The following ZNF557 variants were observed in gnomAD, a reference collection of about 807,000 sequenced individuals.
The protein encoded by ZNF557 is CTB-25J19.9.
Under a neutral mutation model 21.2 loss-of-function variants are expected in ZNF557, and 19 were observed. The observed-to-expected ratio is 0.90, with a 90% CI of 0.63 to 1.32. ZNF557 has a LOEUF of 1.32. Ranked by LOEUF, ZNF557 falls within the 40% of genes most tolerant of loss-of-function variation. The pLI, the probability that ZNF557 is intolerant of heterozygous loss-of-function variation, is 0.00. For missense variants in ZNF557, 487 were observed against 519.8 expected, an observed-to-expected ratio of 0.94 and a Z score of 0.61; for synonymous variants, 207 against 194.8, an observed-to-expected ratio of 1.06 and a Z score of -0.52.
intron 3 of ZNF557, among the ~76,000 whole-genome samples, chr19:7,075,325 A>C (rs10403544): frequency 0.016 from 2,442 of 152,218 alleles, 56 homozygotes; most frequent in African/African-American, 0.056. Context: ...GGAGCTTTTG[A>C]ATTCTCCCTT....
At chr19:7,070,144 T>A (rs1222480470) in intron 1 of ZNF557, among the ~76,000 whole-genome samples, 1 of 152,172 alleles carries the variant, frequency 6.6e-6, no homozygotes, top group Non-Finnish European at 1.5e-5. Context: ...CAGCCCCAAA[T>A]GTCATTAGTG....
rs750681476 is a variant in ZNF557, at chr19:7,083,635, T to A, written c.1184T>A (p.Met395Lys). The change falls in exon 8 of 8, where the codon ATG (methionine) becomes AAG (lysine). Residue 395 changes from methionine to lysine, a missense_variant. Physicochemically the swap from Met to Lys is moderately conservative, Grantham distance 95 (BLOSUM62 -1). Coordinates refer to ENST00000252840, the MANE Select transcript of ZNF557 (RefSeq NM_024341.3). ...FNVLSSVKKHMRTHTGKKPYE... is the reference protein window; with the variant it reads ...FNVLSSVKKHKRTHTGKKPYE... The stretch of plus-strand genomic sequence containing the variant: ...GTTCTCTCATCCGTTAAGAAACACA[T>A]GAGAACTCACACTGGAAAAAAACCC... 1 of 1,613,922 alleles carries A rather than the reference T, an allele frequency of 6.2e-7. No homozygotes were observed. The highest frequency in any genetic ancestry group is 1.7e-5 in the Admixed American group (1 of 59,992).
At chr19:7,077,597 T>C (rs1255656737) in intron 5 of ZNF557, among the ~76,000 whole-genome samples, 1 of 152,210 alleles carries the variant, frequency 6.6e-6, no homozygotes, top group Non-Finnish European at 1.5e-5. Flanking sequence ...TGGGTAGTGC[T>C]GCTATGATCA....
At chr19:7,080,791 G>C (rs1209246815) in intron 5 of ZNF557, among the ~76,000 whole-genome samples, 1 of 152,172 alleles carries the variant, frequency 6.6e-6, no homozygotes, top group Non-Finnish European at 1.5e-5. Context: ...ACATTCAAGA[G>C]CTCCAATGAA....
chr19:7,079,299 T>C (rs1227742883), intron 5 of ZNF557, among the ~76,000 whole-genome samples: 1 of 146,228 alleles, frequency 6.8e-6, no homozygotes, highest in Non-Finnish European at 1.5e-5. Flanking sequence ...TGGAGTGCAG[T>C]GGTGCAATCT....
chr19:7,075,778 C>A, intron 4 of ZNF557, 35 bp downstream of exon 4: 4 of 1,606,770 alleles, frequency 2.5e-6, no homozygotes, highest in Non-Finnish European at 2.6e-6. Context: ...AATCATGATT[C>A]CTTCAGCCAG....
At chr19:7,079,431 C>G (rs62124464) in intron 5 of ZNF557, among the ~76,000 whole-genome samples, 1 of 105,002 alleles carries the variant, frequency 9.5e-6, no homozygotes, top group East Asian at 2.3e-4. Flanking sequence ...TTAGTAGAGA[C>G]AGGGTTCACC....
At chr19:7,081,225 T>A in intron 5 of ZNF557, 135 bp from the exon 6 acceptor site, 1 of 557,000 alleles carries the variant, frequency 1.8e-6, no homozygotes. Context: ...GTTGCTATAT[T>A]TATTCAATTT....
In ZNF557 at chr19:7,083,329, T is replaced by C. The variant is rs2145177482; in HGVS notation, c.878T>C (p.Val293Ala). 6.2e-7 allele frequency: 1 copy of C among 1,614,208 alleles called. No homozygotes were observed. Among genetic ancestry groups the C allele is most frequent in the Non-Finnish European group, 8.5e-7 (1 of 1,180,034 alleles). The change falls in exon 8 of 8, where the codon GTA becomes GCA. Residue 293 changes from valine to alanine, a missense_variant. Physicochemically the swap from Val to Ala is moderately conservative, Grantham distance 64. Coordinates refer to ENST00000252840, the MANE Select transcript of ZNF557 (RefSeq NM_024341.3). ...GTTCATACGGGGGAGGGTCATTATG[T>C]ATGTAATCAGTGTGGAAAGGCTTTC... Reference protein sequence around the residue: ...KRVHTGEGHYVCNQCGKAFGT... With the variant: ...KRVHTGEGHYACNQCGKAFGT...
In ZNF557 at chr19:7,075,736, G is replaced by C. The variant is rs766352501; in HGVS notation, c.113G>C (p.Trp38Ser). Reference protein sequence around the residue: ...GELVNELLKSWLKGLVTFEDV... With the variant: ...GELVNELLKSSLKGLVTFEDV... ...CTGGTTAATGAGCTCCTGAAAAGCT[G>C]GCTAAAGGTGAGTCGGATGTTCCTT... The change falls in exon 4 of 8, where the codon TGG becomes TCG. Residue 38 changes from tryptophan to serine, a missense_variant. Coordinates refer to ENST00000252840, the MANE Select transcript of ZNF557 (RefSeq NM_024341.3). The C allele has an allele frequency of 1.2e-6, 2 of 1,613,148 alleles. No homozygotes were observed. Among genetic ancestry groups the C allele is most frequent in the African/African-American group, 2.7e-5 (2 of 74,888 alleles).
chr19:7,080,014 T>C (rs1357584982), intron 5 of ZNF557, among the ~76,000 whole-genome samples: 1 of 151,886 alleles, frequency 6.6e-6, no homozygotes, highest in African/African-American at 2.4e-5. Flanking sequence ...TCTAGAAATG[T>C]GTGGAGGCCG....
In ZNF557 at chr19:7,084,437, A is replaced by G. The variant is rs767740056; in HGVS notation, c.*693A>G. The G allele has an allele frequency of 6.6e-6, 1 of 151,894 alleles. No homozygotes were observed. The highest frequency in any genetic ancestry group is 1.5e-5 in the Non-Finnish European group (1 of 68,052). 9.4% of individuals were successfully genotyped at this position (151,894 alleles called of 1,614,324 possible). On this transcript the variant is annotated 3_prime_UTR_variant, in exon 8 of 8. Transcript: ENST00000252840. ...GTGATCACAGCTCACTGCAGCCTCTACTTCCTGGGATCAAGTAATTCTCCT... is the reference window on the plus strand; with the variant it reads ...GTGATCACAGCTCACTGCAGCCTCTGCTTCCTGGGATCAAGTAATTCTCCT...
At chr19:7,073,148 G>GTTTTT (rs72453814) in intron 2 of ZNF557, among the ~76,000 whole-genome samples, 14 of 45,348 alleles carry the variant, frequency 3.1e-4, no homozygotes, top group Non-Finnish European at 5.3e-4. Context: ...TGTTTTTTTG[G>GTTTTT]TTTTTTTTGT....
At position 7,087,019 on chromosome 19, in the gene ZNF557, A is replaced by C. The variant is rs1424248981; in HGVS notation, c.*3275A>C. ...ACTCCAGCTTGGGCGACAGAGTGAGACTCCATCTCAAAAAAAGATGTACAG... is the reference window on the plus strand; with the variant it reads ...ACTCCAGCTTGGGCGACAGAGTGAGCCTCCATCTCAAAAAAAGATGTACAG... On this transcript the variant is annotated 3_prime_UTR_variant, in exon 8 of 8. Coordinates refer to ENST00000252840, the MANE Select transcript of ZNF557 (RefSeq NM_024341.3). 1 of 151,630 alleles carries C rather than the reference A, an allele frequency of 6.6e-6. No individual in the cohort carries two copies. Among genetic ancestry groups the C allele is most frequent in the East Asian group, 2.0e-4 (1 of 5,072 alleles). 9.4% of individuals were successfully genotyped at this position (151,630 alleles called of 1,614,324 possible). A position where few individuals can be genotyped will look rare whatever the true frequency, so the allele number is the denominator to read the frequency against.
Position 7,083,807 on chromosome 19 carries a change from C to T in ZNF557, c.*63C>T, listed in dbSNP as rs17637922. ...ATGCCTCAGATAACATGAGCAAACT[C>T]TAACAAGATGTATGAATCACCTGCT... On this transcript the variant is annotated 3_prime_UTR_variant, in exon 8 of 8. Coordinates refer to ENST00000252840, the MANE Select transcript of ZNF557 (RefSeq NM_024341.3). 225,307 of 1,524,070 alleles carry T rather than the reference C, an allele frequency of 0.15. 17,456 individuals carry two copies. The highest frequency in any genetic ancestry group is 0.16 in the Non-Finnish European group (184,658 of 1,134,954). The allele number at this position is 1,524,070 out of a possible 1,614,324, so 94.4% of individuals were successfully genotyped here.
intron 2 of ZNF557, among the ~76,000 whole-genome samples, chr19:7,072,868 T>C (rs1465333136): frequency 6.6e-6 from 1 of 151,968 alleles, no homozygotes; most frequent in African/African-American, 2.4e-5. Context: ...CTCCCCTCCA[T>C]CTCCAGCACC....
intron 2 of ZNF557, among the ~76,000 whole-genome samples, chr19:7,071,184 T>C (rs1977449243): frequency 6.6e-6 from 1 of 152,228 alleles, no homozygotes; most frequent in Admixed American, 6.5e-5. Flanking sequence ...ACACAAAACA[T>C]GTAAACACTA....
At chr19:7,076,565 T>C in intron 5 of ZNF557, 58 bp downstream of exon 5, 1 of 1,576,186 alleles carries the variant, frequency 6.3e-7, no homozygotes, top group Non-Finnish European at 8.6e-7. Flanking sequence ...GTCTTTTTTT[T>C]CTTTTTTTAA....
Position 7,082,041 on chromosome 19 carries a change from A to G in ZNF557, c.415A>G (p.Asn139Asp). ...TGTTTTTCGAAAAGAACAATCTAGA[A>G]ATATGAAAATGGTAAGACTAACATG... ...LHVFRKEQSRNMKMERNHLGA... is the reference protein window; with the variant it reads ...LHVFRKEQSRDMKMERNHLGA... Residue 139 changes from asparagine to aspartate, a missense_variant, in exon 7 of 8, where the codon AAT becomes GAT. Coordinates refer to ENST00000252840, the MANE Select transcript of ZNF557 (RefSeq NM_024341.3). 6.2e-7 allele frequency: 1 copy of G among 1,613,264 alleles called. No individual in the cohort carries two copies. Among genetic ancestry groups the G allele is most frequent in the Non-Finnish European group, 8.5e-7 (1 of 1,179,254 alleles).
Sources: allele counts gnomAD v4.1 joint callset (sites outside exome capture counted in the v4.1 genomes callset), GRCh38; gene constraint gnomAD v4.1.1; transcripts MANE v1.5; gene names NCBI Gene and HGNC (gene_info 2026-07-23, HGNC 2026-07-21).